Variants in SASH1 observed in about 807,000 individuals in gnomAD.
SASH1 encodes the protein SAM and SH3 domain containing 1.
Under a neutral mutation model 125.2 loss-of-function variants are expected in SASH1, and 44 were observed. The ratio of observed to expected loss-of-function variants is 0.35; its 90% CI spans 0.28 to 0.45. The LOEUF is 0.45. SASH1 is among the 20% of genes least tolerant of loss of function. The probability of loss-of-function intolerance (pLI) is 1.00; values close to 1 mark genes in which losing one functional copy is unlikely to be tolerated. For missense variants in SASH1, 1,426 were observed against 1,614.5 expected (o/e 0.88, Z 2.00); for synonymous variants, 639 against 649.1 (o/e 0.98, Z 0.24).
rs1562489755 is a variant in SASH1 at position 148,532,142 on chromosome 6, A to C, written c.1564+481A>C. ...TCCCAGGCTGGAGTGCAGTGTTGTG[A>C]TCTCAGCTCACTGCAACCTTCACCT... On this transcript the variant is annotated intron_variant, in intron 13 of 19. Transcript: ENST00000367467. The surrounding 1 kb of genome is among the most constrained non-coding windows in gnomAD (Gnocchi z 4.7). Among the ~76,000 whole-genome samples the C allele has an allele frequency of 6.6e-6, 1 of 151,932 alleles. No individual in the cohort carries two copies. Among genetic ancestry groups the C allele is most frequent in the Non-Finnish European group, 1.5e-5 (1 of 67,984 alleles).
chr6:148,278,922 A>C (rs1364198935), intron 1 of SASH1: 2 of 152,152 alleles, frequency 1.3e-5, no homozygotes, highest in African/African-American at 2.4e-5. Context: ...ACTAAAATGA[A>C]ACCTAGACTC....
chr6:148,447,191 A>C (rs1433395822), intron 4 of SASH1, among the ~76,000 whole-genome samples: 1 of 152,192 alleles, frequency 6.6e-6, no homozygotes, highest in Non-Finnish European at 1.5e-5. Flanking sequence ...ACATTCACTG[A>C]TTTAGTTTCA....
chr6:148,390,212 G>C lies in SASH1; in HGVS notation c.235G>C (p.Glu79Gln). Residue 79 changes from glutamate to glutamine, a missense_variant, in exon 2 of 20, where the codon GAG becomes CAG. Glu to Gln is a conservative substitution (Grantham distance 29). Transcript: ENST00000367467. ...CAACACCTGTTTCTCCGACGTGTGC[G>C]AGAGGATGGAGGAGCTGCGGAAACG... ...YYNTCFSDVC[E>Q]RMEELRKRRV... The C allele has an allele frequency of 1.9e-6, 3 of 1,613,098 alleles. No homozygotes were observed. Among genetic ancestry groups the C allele is most frequent in the Non-Finnish European group, 2.5e-6 (3 of 1,179,740 alleles).
At position 148,513,833 on chromosome 6, in the gene SASH1, C is replaced by G. The variant is rs982400944; in HGVS notation, c.730-491C>G. ...GAAGAGGCTGTTTGCATCTCTTTCC[C>G]TTTCCTGCCCTGCTGTTTTTGATTT... is the stretch of plus-strand genomic sequence containing the variant. On this transcript the variant is annotated intron_variant, in intron 8 of 19. Transcript: ENST00000367467. 23 of 986,288 alleles carry G rather than the reference C, an allele frequency of 2.3e-5. No homozygotes were observed. The African/African-American group carries it at 3.3e-4, about 14-fold the overall frequency. 61.1% of individuals were successfully genotyped at this position (986,288 alleles called of 1,614,324 possible). A position where few individuals can be genotyped will look rare whatever the true frequency, so the allele number is the denominator to read the frequency against.
At chr6:148,457,046 G>T (rs1583191774) in intron 4 of SASH1, among the ~76,000 whole-genome samples, 2 of 145,500 alleles carry the variant, frequency 1.4e-5, no homozygotes, top group African/African-American at 2.5e-5. Flanking sequence ...TAATAATTTA[G>T]TAATTCCTTA....
chr6:148,543,584 G>A, intron 17 of SASH1, 96 bp from the exon 18 acceptor site: 1 of 992,280 alleles, frequency 1.0e-6, no homozygotes, highest in Non-Finnish European at 1.5e-6. Flanking sequence ...TAGGATGTGG[G>A]TGTTGGAGAT....
chr6:148,527,688 C>T (rs1389060181), intron 12 of SASH1, 92 bp downstream of exon 12: 17 of 1,245,172 alleles, frequency 1.4e-5, no homozygotes, highest in African/African-American at 3.1e-5. Flanking sequence ...GTGCTAAATA[C>T]ACATACTCCT....
At chr6:148,248,446 C>T in the SASH1 span, among the ~76,000 whole-genome samples, 1,502 of 152,288 alleles carry the variant, frequency 9.9e-3, 17 homozygotes, top group Non-Finnish European at 0.015. Context: ...TAACTCTTTG[C>T]GGCATAACGT....
chr6:148,462,636 G>A (rs1211863018), intron 4 of SASH1, among the ~76,000 whole-genome samples: 1 of 152,128 alleles, frequency 6.6e-6, no homozygotes, highest in South Asian at 2.1e-4. Context: ...CCATGGTGAG[G>A]TTTGGTGTTG....
chr6:148,309,667 TA>T (rs34084896), intron 1 of SASH1, among the ~76,000 whole-genome samples: 25,431 of 138,788 alleles, frequency 0.18, 2,590 homozygotes, highest in East Asian at 0.52. Context: ...CATGTTGCTT[TA>T]AAAAAAAAAA....
At chr6:148,542,737 CAAT>C (rs1464183852) in intron 17 of SASH1, among the ~76,000 whole-genome samples, 3 of 152,068 alleles carry the variant, frequency 2.0e-5, no homozygotes, top group African/African-American at 7.3e-5. Context: ...TATGTAACAA[CAAT>C]AATATCCTAC....
At chr6:148,237,558 C>T in the SASH1 span, 1 of 152,136 alleles carries the variant, frequency 6.6e-6, no homozygotes, top group African/African-American at 2.4e-5. Context: ...GTCATAAATT[C>T]ACATTATAAC....
intron 2 of SASH1, among the ~76,000 whole-genome samples, chr6:148,403,968 T>A (rs1784277584): frequency 6.6e-6 from 1 of 152,246 alleles, no homozygotes; most frequent in Admixed American, 6.5e-5. Flanking sequence ...GTACTTTGAA[T>A]GCTGTTTCAC....
the SASH1 span, among the ~76,000 whole-genome samples, chr6:148,216,934 C>T: frequency 6.6e-6 from 1 of 151,984 alleles, no homozygotes; most frequent in Non-Finnish European, 1.5e-5. Flanking sequence ...ACCATGTTGG[C>T]CAGGCTGGTC....
chr6:148,537,937 T>C (rs377358345), intron 16 of SASH1, among the ~76,000 whole-genome samples: 14 of 152,100 alleles, frequency 9.2e-5, no homozygotes, highest in East Asian at 5.8e-4. Context: ...CCTAGCACTT[T>C]GCTGTGATTT....
chr6:148,448,602 C>T (rs1400326674), intron 4 of SASH1, among the ~76,000 whole-genome samples: 1 of 152,174 alleles, frequency 6.6e-6, no homozygotes, highest in Non-Finnish European at 1.5e-5. Context: ...CTCTGCCCAC[C>T]CCTTCCTGTG....
At chr6:148,204,414 G>T in the SASH1 span, among the ~76,000 whole-genome samples, 2 of 152,148 alleles carry the variant, frequency 1.3e-5, no homozygotes, top group Non-Finnish European at 2.9e-5. Context: ...ATTCTTGGCT[G>T]GGTGCAGTGG....
chr6:148,249,067 G>GATGAATGA, the SASH1 span, among the ~76,000 whole-genome samples: 50 of 152,022 alleles, frequency 3.3e-4, no homozygotes, highest in East Asian at 1.2e-3. Flanking sequence ...ATGAATAACT[G>GATGAATGA]ATGAATGAAT....
the SASH1 span, among the ~76,000 whole-genome samples, chr6:148,234,976 C>T: frequency 6.6e-6 from 1 of 152,120 alleles, no homozygotes; most frequent in African/African-American, 2.4e-5. Context: ...TGTCTTCGGT[C>T]CCAGGTGAAG....
Sources: gnomAD v4.1 joint callset for allele counts (sites outside exome capture counted in the v4.1 genomes callset) on GRCh38, gnomAD v4.1.1 for gene constraint, Gnocchi (gnomAD v3.1) non-coding constraint, MANE v1.5 for transcripts, NCBI Gene and HGNC (gene_info 2026-07-23, HGNC 2026-07-21) for gene names.